Variants in NUF2 observed in about 807,000 individuals in gnomAD.
The protein encoded by NUF2 is NUF2 component of NDC80 kinetochore complex, also known as kinetochore protein Nuf2.
In NUF2, 34 loss-of-function variants were observed where a neutral mutation model predicts 61.8. That is an observed-to-expected ratio of 0.55 (90% CI 0.42 to 0.73). The LOEUF (loss-of-function observed/expected upper bound fraction) is 0.73. Ranked by LOEUF, NUF2 falls within the 30% of genes least tolerant of loss-of-function variation. The pLI is 0.00. For synonymous variants in NUF2, 172 were observed against 181.6 expected (o/e 0.95, Z 0.42); for missense variants, 445 against 539.1 (o/e 0.83, Z 1.73).
chr1:163,341,141 G>A (rs572594176), intron 9 of NUF2, among the ~76,000 whole-genome samples: 2 of 152,086 alleles, frequency 1.3e-5, no homozygotes, highest in South Asian at 4.2e-4. Context: ...AAAACTGGAT[G>A]TTTTCAGGCT....
chr1:163,331,796 C>T (rs1650606703), intron 5 of NUF2, among the ~76,000 whole-genome samples: 1 of 151,870 alleles, frequency 6.6e-6, no homozygotes, highest in Admixed American at 6.6e-5. Flanking sequence ...ATTATATTCC[C>T]ATATTATTTT....
Position 163,322,115 on chromosome 1 carries a change from C to G in NUF2, c.-118C>G, listed in dbSNP as rs1650242286. On this transcript the variant is annotated 5_prime_UTR_variant, in exon 1 of 14. Transcript: ENST00000271452. ...GGAAGCCTGCAGACAGACGCCTTCTCCATCCCAAGGCGCGGGCAGGTGCCG... is the reference window on the plus strand; with the variant it reads ...GGAAGCCTGCAGACAGACGCCTTCTGCATCCCAAGGCGCGGGCAGGTGCCG... The G allele has an allele frequency of 6.6e-6, 1 of 152,332 alleles. No homozygotes were observed. Among genetic ancestry groups the G allele is most frequent in the African/African-American group, 2.4e-5 (1 of 41,468 alleles). The allele number at this position is 152,332 out of a possible 1,614,324, so 9.4% of individuals were successfully genotyped here.
At chr1:163,327,397 T>A (rs910486925) in intron 2 of NUF2, 91 bp from the exon 3 acceptor site, 9 of 716,952 alleles carry the variant, frequency 1.3e-5, no homozygotes, top group Non-Finnish European at 2.2e-5. Flanking sequence ...TCTTCTTTGC[T>A]TTCATCGATT....
chr1:163,347,215 T>A (rs1015853454), intron 11 of NUF2, among the ~76,000 whole-genome samples: 4 of 152,214 alleles, frequency 2.6e-5, no homozygotes, highest in Admixed American at 2.6e-4. Context: ...GGCTACAAGC[T>A]TGAAAATCCT....
chr1:163,351,608 G>A lies in NUF2; in HGVS notation c.1260+2528G>A, dbSNP rs114417683. Among the ~76,000 whole-genome samples, 459 of 152,176 alleles carry A rather than the reference G, an allele frequency of 3.0e-3. 4 individuals are homozygous for A. The highest frequency in any genetic ancestry group is 0.011 in the African/African-American group (441 of 41,540). On this transcript the variant is annotated intron_variant, in intron 13 of 13. Coordinates refer to ENST00000271452, the MANE Select transcript of NUF2 (RefSeq NM_145697.3). Reference sequence around the variant, plus strand: ...ATTATAATTTTTTCATCCTAGAGGCGTAGAACTATTGATCAAAACTTTGGG... The same window carrying A: ...ATTATAATTTTTTCATCCTAGAGGCATAGAACTATTGATCAAAACTTTGGG...
At chr1:163,352,797 C>T (rs902023892) in intron 13 of NUF2, among the ~76,000 whole-genome samples, 4 of 152,024 alleles carry the variant, frequency 2.6e-5, no homozygotes, top group Admixed American at 6.6e-5. Context: ...ACCCGGGAGG[C>T]GGAGCTTGCA....
chr1:163,348,879 A>G, intron 12 of NUF2, 66 bp from the exon 13 acceptor site: 2 of 1,533,718 alleles, frequency 1.3e-6, no homozygotes, highest in Non-Finnish European at 1.8e-6. Context: ...AATCAAAACT[A>G]GAATTGTGTT....
chr1:163,328,105 A>G lies in NUF2; in HGVS notation c.199-123A>G, dbSNP rs1571375242. On this transcript the variant is annotated intron_variant, in intron 3 of 13. Coordinates refer to ENST00000271452, the MANE Select transcript of NUF2 (RefSeq NM_145697.3). ...ATGATGAAAACTCTGCATTTATACT[A>G]GGATATGTATTAAGGTTTTTAATTT... 3 of 551,132 alleles carry G rather than the reference A, an allele frequency of 5.4e-6. No homozygotes were observed. The East Asian group carries it at 9.0e-5, about 17-fold the overall frequency. 34.1% of individuals were successfully genotyped at this position (551,132 alleles called of 1,614,324 possible).
At chr1:163,328,662 T>C (rs1211380019) in intron 4 of NUF2, 184 bp from the exon 5 acceptor site, 5 of 525,534 alleles carry the variant, frequency 9.5e-6, no homozygotes, top group Non-Finnish European at 1.7e-5. Context: ...ACATGATTAA[T>C]ATACAGAAAA....
At chr1:163,351,296 A>G (rs1205537545) in intron 13 of NUF2, among the ~76,000 whole-genome samples, 12 of 152,228 alleles carry the variant, frequency 7.9e-5, no homozygotes, top group African/African-American at 2.9e-4. Flanking sequence ...CTTGACTTAT[A>G]TTGACCTTGT....
chr1:163,327,243 G>T (rs1650455759), intron 2 of NUF2, among the ~76,000 whole-genome samples: 1 of 151,990 alleles, frequency 6.6e-6, no homozygotes, highest in Non-Finnish European at 1.5e-5. Context: ...GCTTGGATTG[G>T]ATTTGGGTAT....
chr1:163,351,584 T>C (rs570328394), intron 13 of NUF2, among the ~76,000 whole-genome samples: 78 of 152,308 alleles, frequency 5.1e-4, no homozygotes, highest in African/African-American at 1.9e-3. Context: ...CTTTGCTGCA[T>C]TATAATTTTT....
chr1:163,349,951 C>G (rs1330479791), intron 13 of NUF2, among the ~76,000 whole-genome samples: 1 of 151,224 alleles, frequency 6.6e-6, no homozygotes, highest in Admixed American at 6.6e-5. Flanking sequence ...ATTTTTCCTG[C>G]CTCTTAACTT....
intron 1 of NUF2, 122 bp from the exon 2 acceptor site, chr1:163,325,910 A>C: frequency 1.7e-6 from 1 of 593,766 alleles, no homozygotes; most frequent in South Asian, 2.8e-5. Flanking sequence ...AAGATATTTG[A>C]TGATAGTTAA....
intron 9 of NUF2, among the ~76,000 whole-genome samples, chr1:163,341,778 C>T (rs547279297): frequency 3.9e-5 from 6 of 152,112 alleles, no homozygotes; most frequent in Non-Finnish European, 8.8e-5. Context: ...CAGGCATCCA[C>T]CACCACTCCC....
At chr1:163,350,764 A>G (rs376157387) in intron 13 of NUF2, among the ~76,000 whole-genome samples, 8 of 106,024 alleles carry the variant, frequency 7.5e-5, no homozygotes, top group South Asian at 3.8e-4. Context: ...ATCTCCAGCA[A>G]TGGGGCCCAT....
At chr1:163,336,105 A>T (rs755265095) in intron 5 of NUF2, among the ~76,000 whole-genome samples, 7 of 152,000 alleles carry the variant, frequency 4.6e-5, no homozygotes, top group Non-Finnish European at 8.8e-5. Flanking sequence ...CTTATTATGG[A>T]TCATGTCCTT....
chr1:163,353,205 T>C (rs749884636), intron 13 of NUF2, among the ~76,000 whole-genome samples: 1 of 152,198 alleles, frequency 6.6e-6, no homozygotes, highest in Non-Finnish European at 1.5e-5. Flanking sequence ...GTGTCTTTCA[T>C]TGTACTATTG....
intron 9 of NUF2, among the ~76,000 whole-genome samples, chr1:163,341,042 C>A (rs889692477): frequency 2.6e-5 from 4 of 152,008 alleles, no homozygotes; most frequent in Non-Finnish European, 5.9e-5. Context: ...GTAAAATTGA[C>A]CAATGCAGCC....
Sources: allele counts gnomAD v4.1 joint callset (sites outside exome capture counted in the v4.1 genomes callset), GRCh38; gene constraint gnomAD v4.1.1; transcripts MANE v1.5; gene names NCBI Gene and HGNC (gene_info 2026-07-23, HGNC 2026-07-21).